Variants in CABCOCO1 observed in about 807,000 individuals in gnomAD.
CABCOCO1 encodes ciliary-associated calcium-binding coiled-coil protein 1.
In CABCOCO1, 28 loss-of-function variants were observed where a neutral mutation model predicts 35.7. The ratio of observed to expected loss-of-function variants is 0.78; its 90% CI spans 0.58 to 1.07. The LOEUF (loss-of-function observed/expected upper bound fraction) is 1.07. CABCOCO1 is among the 50% of genes least tolerant of loss of function. The pLI, the probability that CABCOCO1 is intolerant of heterozygous loss-of-function variation, is 0.00. For synonymous variants in CABCOCO1, 95 were observed against 100.1 expected (o/e 0.95, Z 0.30); for missense variants, 326 against 309.2 (o/e 1.05, Z -0.41).
chr10:61,740,401 G>C (rs545227577), intron 5 of CABCOCO1, among the ~76,000 whole-genome samples: 1 of 152,300 alleles, frequency 6.6e-6, no homozygotes, highest in East Asian at 1.9e-4. Context: ...AACCAGGTTT[G>C]AAATGTATGG....
chr10:61,745,037 T>C (rs1273962692), intron 5 of CABCOCO1, among the ~76,000 whole-genome samples: 1 of 152,172 alleles, frequency 6.6e-6, no homozygotes. Flanking sequence ...CAGTAATGTT[T>C]GTCAAGAGCT....
intron 5 of CABCOCO1, among the ~76,000 whole-genome samples, chr10:61,745,767 C>A (rs1841642481): frequency 6.6e-6 from 1 of 152,194 alleles, no homozygotes; most frequent in Non-Finnish European, 1.5e-5. Flanking sequence ...CACAGCATAT[C>A]CAGCAAGATG....
At chr10:61,703,602 C>T (rs1239151641) in intron 5 of CABCOCO1, among the ~76,000 whole-genome samples, 4 of 152,026 alleles carry the variant, frequency 2.6e-5, no homozygotes, top group African/African-American at 9.7e-5. Flanking sequence ...CTGAATCCTC[C>T]CTCCTGTAGA....
chr10:61,757,395 A>C (rs1841919872), intron 5 of CABCOCO1, among the ~76,000 whole-genome samples: 2 of 152,076 alleles, frequency 1.3e-5, no homozygotes, highest in South Asian at 4.1e-4. Flanking sequence ...TTTCCCTTGC[A>C]GTATCTCACT....
intron 5 of CABCOCO1, among the ~76,000 whole-genome samples, chr10:61,694,452 G>T (rs1309474330): frequency 6.6e-6 from 1 of 151,404 alleles, no homozygotes; most frequent in African/African-American, 2.4e-5. Context: ...AATTACTTGG[G>T]ATAATTGGCT....
intron 1 of CABCOCO1, among the ~76,000 whole-genome samples, chr10:61,665,826 G>T (rs1839153933): frequency 6.6e-6 from 1 of 150,714 alleles, no homozygotes; most frequent in African/African-American, 2.4e-5. Flanking sequence ...GGCGGAGCTT[G>T]CAGTGAGCCG....
intron 5 of CABCOCO1, among the ~76,000 whole-genome samples, chr10:61,708,222 A>C (rs1293023409): frequency 2.0e-5 from 3 of 150,906 alleles, no homozygotes; most frequent in Non-Finnish European, 2.9e-5. Context: ...TGATTCAATG[A>C]ATTCATGAAT....
Position 61,686,045 on chromosome 10 carries a change from A to G in CABCOCO1, c.339A>G (p.Leu113=), listed in dbSNP as rs377014933. The G allele has an allele frequency of 5.0e-6, 8 of 1,599,718 alleles. No homozygotes were observed. The highest frequency in any genetic ancestry group is 2.3e-5 in the South Asian group (2 of 87,400). ...LAMSLQNLKT[L]HMSLEESIKW... The stretch of plus-strand genomic sequence containing the variant: ...TTTCTCTGGATTTTATTTCAGCACT[A>G]CATATGTCCTTAGAGGAAAGCATAA... The change falls in exon 4 of 8, where the codon CTA becomes CTG. Residue 113 remains leucine (L), a synonymous_variant. Transcript: ENST00000648843.
intron 5 of CABCOCO1, among the ~76,000 whole-genome samples, chr10:61,749,164 A>T (rs184032512): frequency 8.5e-5 from 13 of 152,322 alleles, no homozygotes; most frequent in African/African-American, 3.1e-4. Context: ...GGCCTCCAGA[A>T]AGTTTTTTGC....
At chr10:61,716,124 A>T (rs967561317) in intron 5 of CABCOCO1, among the ~76,000 whole-genome samples, 1 of 152,192 alleles carries the variant, frequency 6.6e-6, no homozygotes, top group African/African-American at 2.4e-5. Context: ...TAAAATTATA[A>T]GAAGTTTTCC....
intron 5 of CABCOCO1, among the ~76,000 whole-genome samples, chr10:61,713,670 T>TCCAAA (rs1840787771): frequency 6.6e-6 from 1 of 152,198 alleles, no homozygotes; most frequent in South Asian, 2.1e-4. Context: ...CTCTTATTAT[T>TCCAAA]TTGAGATACG....
intron 5 of CABCOCO1, among the ~76,000 whole-genome samples, chr10:61,734,096 A>G (rs1318153012): frequency 6.6e-6 from 1 of 151,976 alleles, no homozygotes; most frequent in East Asian, 1.9e-4. Context: ...AGATAAATTA[A>G]TGCTACTTAT....
Position 61,766,590 on chromosome 10 carries a change from A to G in CABCOCO1, c.*577A>G, listed in dbSNP as rs965780240. 2 of 151,950 alleles carry G rather than the reference A, an allele frequency of 1.3e-5. No homozygotes were observed. Among genetic ancestry groups the G allele is most frequent in the Non-Finnish European group, 2.9e-5 (2 of 68,044 alleles). 9.4% of individuals were successfully genotyped at this position (151,950 alleles called of 1,614,324 possible). ...CCAATTTTCTGAAATTATATAATGC[A>G]GTTTGAAGCACTTTAATTTATTCTG... On this transcript the variant is annotated 3_prime_UTR_variant, in exon 8 of 8. Transcript: ENST00000648843.
intron 5 of CABCOCO1, 59 bp downstream of exon 5, chr10:61,690,680 G>A: frequency 1.8e-6 from 2 of 1,118,112 alleles, no homozygotes; most frequent in Non-Finnish European, 2.7e-6. Flanking sequence ...ATGCTGATCA[G>A]CATCTGGATC....
chr10:61,726,967 C>G (rs2132048812), intron 5 of CABCOCO1, among the ~76,000 whole-genome samples: 1 of 151,724 alleles, frequency 6.6e-6, no homozygotes, highest in African/African-American at 2.4e-5. Flanking sequence ...GAGACTGAGG[C>G]ACAAGAATTG....
intron 5 of CABCOCO1, among the ~76,000 whole-genome samples, chr10:61,755,251 C>G (rs1380328477): frequency 6.6e-6 from 1 of 152,038 alleles, no homozygotes; most frequent in South Asian, 2.1e-4. Context: ...TCATATGTTG[C>G]TACTTTATGT....
chr10:61,685,941 TAAC>T, intron 3 of CABCOCO1, 97 bp from the exon 4 acceptor site: 2 of 1,024,938 alleles, frequency 2.0e-6, no homozygotes, highest in Non-Finnish European at 2.8e-6. Flanking sequence ...CACAAATACT[TAAC>T]AAAGTAAATT....
intron 5 of CABCOCO1, among the ~76,000 whole-genome samples, chr10:61,753,460 T>C (rs190197864): frequency 7.2e-5 from 11 of 152,246 alleles, no homozygotes; most frequent in African/African-American, 2.4e-4. Flanking sequence ...AAAAGTACAA[T>C]GCTGAATTTA....
chr10:61,674,061 A>G (rs1245321125), intron 2 of CABCOCO1, among the ~76,000 whole-genome samples: 1 of 152,132 alleles, frequency 6.6e-6, no homozygotes, highest in African/African-American at 2.4e-5. Context: ...TAATTTATTT[A>G]TATTAAATGC....
Sources: gnomAD v4.1 joint callset for allele counts (sites outside exome capture counted in the v4.1 genomes callset) on GRCh38, gnomAD v4.1.1 for gene constraint, MANE v1.5 for transcripts, NCBI Gene and HGNC (gene_info 2026-07-23, HGNC 2026-07-21) for gene names.